The following NKAIN2 variants were observed in gnomAD, a reference collection of about 807,000 sequenced individuals.
NKAIN2 encodes the protein sodium/potassium transporting ATPase interacting 2.
Under a neutral mutation model 32.6 loss-of-function variants are expected in NKAIN2, and 14 were observed. That is an observed-to-expected ratio of 0.43 (90% CI 0.28 to 0.67). The LOEUF (loss-of-function observed/expected upper bound fraction) is 0.67. Ranked by LOEUF, NKAIN2 falls within the 30% of genes least tolerant of loss-of-function variation. The pLI is 0.17. For missense variants in NKAIN2, 198 were observed against 258.3 expected, an observed-to-expected ratio of 0.77 and a Z score of 1.60; for synonymous variants, 80 against 87.2, an observed-to-expected ratio of 0.92 and a Z score of 0.46.
chr6:124,387,517 C>A (rs918567728), intron 3 of NKAIN2, among the ~76,000 whole-genome samples: 5 of 152,036 alleles, frequency 3.3e-5, no homozygotes, highest in African/African-American at 1.2e-4. Context: ...GTCCAGAAAA[C>A]AACAGCATTA....
chr6:124,025,585 G>A (rs953214575), intron 1 of NKAIN2, among the ~76,000 whole-genome samples: 6 of 152,138 alleles, frequency 3.9e-5, no homozygotes, highest in South Asian at 4.1e-4. Context: ...CAAAGTTCCC[G>A]TTAGGTTGAA....
At chr6:123,915,079 C>T (rs529268160) in intron 1 of NKAIN2, among the ~76,000 whole-genome samples, 40 of 152,212 alleles carry the variant, frequency 2.6e-4, no homozygotes, top group Non-Finnish European at 5.1e-4. Context: ...CACAGCTTCT[C>T]GAAGAGGTGT....
At chr6:124,441,641 C>T (rs1775692215) in intron 3 of NKAIN2, among the ~76,000 whole-genome samples, 2 of 152,066 alleles carry the variant, frequency 1.3e-5, no homozygotes, top group African/African-American at 2.4e-5. Flanking sequence ...TGAGCAAGTA[C>T]ACTTTCAGAT....
chr6:124,386,154 G>A (rs149174526), intron 3 of NKAIN2, among the ~76,000 whole-genome samples: 37 of 152,218 alleles, frequency 2.4e-4, no homozygotes, highest in East Asian at 3.9e-4. Context: ...ATGATTTCCC[G>A]TTGGAAATCT....
At chr6:124,630,974 G>A (rs1341762526) in intron 3 of NKAIN2, among the ~76,000 whole-genome samples, 3 of 152,056 alleles carry the variant, frequency 2.0e-5, no homozygotes, top group South Asian at 2.1e-4. Context: ...TAATGTAGCC[G>A]TATTCTACAA....
At chr6:124,131,094 A>G (rs1039340430) in intron 1 of NKAIN2, among the ~76,000 whole-genome samples, 1 of 152,192 alleles carries the variant, frequency 6.6e-6, no homozygotes, top group African/African-American at 2.4e-5. Context: ...GTTATAAATC[A>G]GAATTACTTT....
chr6:124,121,751 G>A, intron 1 of NKAIN2: 1 of 211,590 alleles, frequency 4.7e-6, no homozygotes, highest in Non-Finnish European at 9.9e-6. Flanking sequence ...TTAGCATGCT[G>A]TGAAGTTTAT....
intron 3 of NKAIN2, among the ~76,000 whole-genome samples, chr6:124,466,847 A>G (rs1776779053): frequency 6.6e-6 from 1 of 152,074 alleles, no homozygotes. Flanking sequence ...ATTTTAAAAT[A>G]TGTTTTCTTT....
At chr6:123,962,951 CAG>C (rs1777913021) in intron 1 of NKAIN2, among the ~76,000 whole-genome samples, 1 of 152,158 alleles carries the variant, frequency 6.6e-6, no homozygotes, top group Non-Finnish European at 1.5e-5. Context: ...CCTTGGACCT[CAG>C]TAAGAACCTG....
At chr6:124,764,140 CAT>C (rs1313330807) in intron 4 of NKAIN2, among the ~76,000 whole-genome samples, 2 of 152,132 alleles carry the variant, frequency 1.3e-5, no homozygotes, top group Non-Finnish European at 2.9e-5. Context: ...AGGTTCTTAA[CAT>C]GGGGTTCTTG....
chr6:124,331,165 A>T (rs972664564), intron 2 of NKAIN2, among the ~76,000 whole-genome samples: 1 of 151,824 alleles, frequency 6.6e-6, no homozygotes, highest in Non-Finnish European at 1.5e-5. Flanking sequence ...TACTGAAATA[A>T]ACTGATGATA....
chr6:124,802,296 G>A (rs944628799), intron 5 of NKAIN2, among the ~76,000 whole-genome samples: 5 of 152,134 alleles, frequency 3.3e-5, no homozygotes, highest in African/African-American at 4.8e-5. Flanking sequence ...CTGGATGTCA[G>A]CTGAGAAGAC....
intron 4 of NKAIN2, among the ~76,000 whole-genome samples, chr6:124,778,268 A>G (rs1779070897): frequency 6.7e-6 from 1 of 149,740 alleles, no homozygotes; most frequent in South Asian, 2.1e-4. Flanking sequence ...GAAAAAAACT[A>G]CAAGTCAAAG....
At chr6:124,536,311 C>A (rs1271943617) in intron 3 of NKAIN2, among the ~76,000 whole-genome samples, 1 of 152,102 alleles carries the variant, frequency 6.6e-6, no homozygotes, top group African/African-American at 2.4e-5. Context: ...CTTCAGCAGG[C>A]CAGCCCTAGG....
At chr6:124,508,973 TTTAA>T in intron 3 of NKAIN2, among the ~76,000 whole-genome samples, 1 of 152,328 alleles carries the variant, frequency 6.6e-6, no homozygotes, top group East Asian at 1.9e-4. Context: ...ATGACCTCAT[TTTAA>T]TTAATTACAA....
At chr6:124,026,915 C>T (rs1447931051) in intron 1 of NKAIN2, among the ~76,000 whole-genome samples, 1 of 152,104 alleles carries the variant, frequency 6.6e-6, no homozygotes, top group Non-Finnish European at 1.5e-5. Context: ...GTGTGTGTCT[C>T]CTGCTCCACT....
chr6:124,100,772 ATTG>A (rs1389714462), intron 1 of NKAIN2, among the ~76,000 whole-genome samples: 7 of 152,168 alleles, frequency 4.6e-5, no homozygotes, highest in Admixed American at 3.9e-4. Context: ...GGCCCCTAGA[ATTG>A]TTGTCCATTT....
Position 124,823,339 on chromosome 6 carries a change from G to A in NKAIN2, c.*110G>A, listed in dbSNP as rs182591740. The A allele has an allele frequency of 1.2e-3, 961 of 796,896 alleles. No homozygotes were observed. Among genetic ancestry groups the A allele is most frequent in the Non-Finnish European group, 1.3e-3 (578 of 440,790 alleles). 49.4% of individuals were successfully genotyped at this position (796,896 alleles called of 1,614,324 possible). Reference sequence around the variant, plus strand: ...AGCAACTGAGTTTAAATACATACACGTATTAACAAAACAAATGCAAAGCCT... The same window carrying A: ...AGCAACTGAGTTTAAATACATACACATATTAACAAAACAAATGCAAAGCCT... On this transcript the variant is annotated 3_prime_UTR_variant, in exon 7 of 7. Transcript: ENST00000368417.
intron 4 of NKAIN2, among the ~76,000 whole-genome samples, chr6:124,691,891 C>T (rs568127903): frequency 5.3e-5 from 8 of 152,134 alleles, no homozygotes; most frequent in East Asian, 3.9e-4. Context: ...TTTTTTTTGA[C>T]GATAGGTCTT....
Sources: allele counts gnomAD v4.1 joint callset (sites outside exome capture counted in the v4.1 genomes callset), GRCh38; gene constraint gnomAD v4.1.1; transcripts MANE v1.5; gene names NCBI Gene and HGNC (gene_info 2026-07-23, HGNC 2026-07-21).